The following MAGI2 variants were observed in gnomAD, a reference collection of about 807,000 sequenced individuals.
MAGI2 encodes the protein membrane associated guanylate kinase, WW and PDZ domain containing 2, also known as membrane-associated guanylate kinase, WW and PDZ domain-containing protein 2.
MAGI2 carries 35 observed loss-of-function variants against 133.3 expected under a neutral mutation model. That is an observed-to-expected ratio of 0.26 (90% CI 0.20 to 0.35). MAGI2 has a LOEUF of 0.35. Among genes scored for constraint, MAGI2 ranks in the 10% least tolerant of loss-of-function variants. MAGI2 has a pLI of 1.00. For missense variants in MAGI2, 1,636 were observed against 1,863.4 expected, an observed-to-expected ratio of 0.88 and a Z score of 2.25; for synonymous variants, 729 against 710.6, an observed-to-expected ratio of 1.03 and a Z score of -0.41.
At chr7:78,393,045 T>C (rs1796041043) in intron 6 of MAGI2, among the ~76,000 whole-genome samples, 1 of 152,084 alleles carries the variant, frequency 6.6e-6, no homozygotes, top group Non-Finnish European at 1.5e-5. Context: ...AAAAAAACGA[T>C]TAGAACCAGG....
At chr7:78,881,793 G>A (rs1795860138) in intron 2 of MAGI2, among the ~76,000 whole-genome samples, 1 of 151,876 alleles carries the variant, frequency 6.6e-6, no homozygotes, top group Non-Finnish European at 1.5e-5. Flanking sequence ...GTGAGATGCA[G>A]CAAGAGGAGT....
At chr7:79,120,495 T>TAC (rs1819794593) in intron 1 of MAGI2, among the ~76,000 whole-genome samples, 1 of 152,044 alleles carries the variant, frequency 6.6e-6, no homozygotes, top group African/African-American at 2.4e-5. Flanking sequence ...CCTTTACATA[T>TAC]ACACACACAT....
At chr7:79,045,447 G>T (rs1812084661) in intron 1 of MAGI2, among the ~76,000 whole-genome samples, 1 of 152,132 alleles carries the variant, frequency 6.6e-6, no homozygotes, top group African/African-American at 2.4e-5. Context: ...AAGGTACATG[G>T]TATATAATCT....
chr7:79,310,235 C>T (rs571105879), intron 1 of MAGI2, among the ~76,000 whole-genome samples: 22 of 124,686 alleles, frequency 1.8e-4, no homozygotes, highest in African/African-American at 5.0e-4. Context: ...GTTAAATATT[C>T]GAATGCATTT....
At chr7:78,147,623 A>G (rs1054477166) in intron 16 of MAGI2, among the ~76,000 whole-genome samples, 6 of 152,162 alleles carry the variant, frequency 3.9e-5, no homozygotes, top group African/African-American at 9.7e-5. Flanking sequence ...TGCCAATTAT[A>G]CTGGAGGGGG....
At chr7:78,361,119 G>A (rs999212979) in intron 7 of MAGI2, among the ~76,000 whole-genome samples, 3 of 152,154 alleles carry the variant, frequency 2.0e-5, no homozygotes, top group African/African-American at 7.2e-5. Context: ...GCTTGGGCCA[G>A]GCGTGGTGGC....
intron 20 of MAGI2, among the ~76,000 whole-genome samples, chr7:78,108,929 G>A (rs1819011105): frequency 6.6e-6 from 1 of 152,114 alleles, no homozygotes; most frequent in Middle Eastern, 3.4e-3. Context: ...CCTGGAAACA[G>A]CAATGGTTGG....
intron 2 of MAGI2, among the ~76,000 whole-genome samples, chr7:78,649,194 C>T (rs1260128711): frequency 5.0e-5 from 5 of 100,388 alleles, no homozygotes; most frequent in African/African-American, 2.1e-4. Context: ...CTGTTTTATG[C>T]CTGTTTCTTT....
At chr7:78,730,839 C>T (rs1821303252) in intron 2 of MAGI2, among the ~76,000 whole-genome samples, 1 of 151,988 alleles carries the variant, frequency 6.6e-6, no homozygotes, top group Non-Finnish European at 1.5e-5. Context: ...TTTAAGTTTG[C>T]CAACTTTCTC....
At chr7:78,484,822 A>G (rs897520747) in intron 6 of MAGI2, 2 of 152,028 alleles carry the variant, frequency 1.3e-5, no homozygotes, top group African/African-American at 4.8e-5. Flanking sequence ...TGCATGAAAG[A>G]GGTACAACTC....
chr7:78,447,903 A>G (rs555099570), intron 6 of MAGI2, among the ~76,000 whole-genome samples: 11 of 152,050 alleles, frequency 7.2e-5, no homozygotes, highest in Non-Finnish European at 1.5e-4. Context: ...TTGCTGATCA[A>G]TCTCTCCCTA....
At chr7:79,113,006 A>C (rs968813543) in intron 1 of MAGI2, among the ~76,000 whole-genome samples, 5 of 152,206 alleles carry the variant, frequency 3.3e-5, no homozygotes, top group Non-Finnish European at 7.3e-5. Context: ...TTTAGTAAAA[A>C]CTTTAACAGA....
intron 20 of MAGI2, among the ~76,000 whole-genome samples, chr7:78,089,876 C>G (rs1400721302): frequency 6.6e-6 from 1 of 152,182 alleles, no homozygotes; most frequent in Non-Finnish European, 1.5e-5. Context: ...TCCTCAAACA[C>G]CTCCCCTCCT....
At chr7:78,323,421 C>A (rs569432317) in intron 9 of MAGI2, among the ~76,000 whole-genome samples, 13 of 152,280 alleles carry the variant, frequency 8.5e-5, no homozygotes, top group African/African-American at 3.1e-4. Context: ...AAGACATCAA[C>A]CCTCTTTGGA....
intron 2 of MAGI2, among the ~76,000 whole-genome samples, chr7:78,937,825 G>C (rs1379044684): frequency 2.0e-5 from 3 of 152,078 alleles, no homozygotes; most frequent in African/African-American, 7.2e-5. Context: ...AGTAAAATGG[G>C]AGCTAGTAAA....
At chr7:78,686,859 T>C (rs565753870) in intron 2 of MAGI2, among the ~76,000 whole-genome samples, 2 of 152,224 alleles carry the variant, frequency 1.3e-5, no homozygotes, top group African/African-American at 4.8e-5. Context: ...TTCTAATCAC[T>C]AGAGGTGGCT....
intron 1 of MAGI2, among the ~76,000 whole-genome samples, chr7:79,264,905 T>A (rs1408557436): frequency 6.6e-6 from 1 of 151,628 alleles, no homozygotes; most frequent in Non-Finnish European, 1.5e-5. Flanking sequence ...GCCAGCCTCT[T>A]TTTAACAACC....
intron 3 of MAGI2, among the ~76,000 whole-genome samples, chr7:78,570,889 T>C (rs1298601194): frequency 1.3e-5 from 2 of 152,214 alleles, no homozygotes; most frequent in African/African-American, 2.4e-5. Flanking sequence ...TGATGGTTCT[T>C]AGTTCTTGAC....
intron 5 of MAGI2, 176 bp from the exon 6 acceptor site, chr7:78,490,016 A>C (rs1489564338): frequency 4.0e-6 from 2 of 499,702 alleles, no homozygotes; most frequent in Non-Finnish European, 7.1e-6. Context: ...GGCAGCTGTA[A>C]ATTTGGCAAC....
Sources: allele counts gnomAD v4.1 joint callset (sites outside exome capture counted in the v4.1 genomes callset), GRCh38; gene constraint gnomAD v4.1.1; transcripts MANE v1.5; gene names NCBI Gene and HGNC (gene_info 2026-07-23, HGNC 2026-07-21).